Variants in CDYL observed in about 807,000 individuals in gnomAD.
The protein encoded by CDYL is chromodomain Y like, also known as chromodomain Y-like protein.
Under a neutral mutation model 47.3 loss-of-function variants are expected in CDYL, and 8 were observed. The observed-to-expected ratio is 0.17, with a 90% CI of 0.10 to 0.31. The LOEUF is 0.31. Ranked by LOEUF, CDYL falls within the 10% of genes least tolerant of loss-of-function variation. The pLI is 1.00. For missense variants in CDYL, 471 were observed against 701.4 expected (o/e 0.67, Z 3.71); for synonymous variants, 266 against 265.0 (o/e 1.00, Z -0.04).
At chr6:4,867,659 G>C (rs1441880131) in intron 1 of CDYL, among the ~76,000 whole-genome samples, 1 of 151,910 alleles carries the variant, frequency 6.6e-6, no homozygotes. Context: ...CTGAATTCTT[G>C]GGATAAACTC....
At position 4,892,237 on chromosome 6, in the gene CDYL, G is replaced by A. The variant is rs372222855; in HGVS notation, c.549G>A (p.Ala183=). The change falls in exon 2 of 7, where the codon GCG becomes GCA. Residue 183 remains alanine (A), a synonymous_variant. Transcript: ENST00000397588. ...QEDTVAPEVA[A]EKPVGALLGP... ...ACACAGTGGCACCCGAAGTGGCAGC[G>A]GAAAAGCCGGTCGGAGCTTTATTGG... The A allele has an allele frequency of 1.3e-5, 21 of 1,614,122 alleles. No individual in the cohort carries two copies. The highest frequency in any genetic ancestry group is 8.9e-5 in the East Asian group (4 of 44,904).
At chr6:4,884,218 A>G (rs112923226) in intron 1 of CDYL, among the ~76,000 whole-genome samples, 2 of 152,224 alleles carry the variant, frequency 1.3e-5, no homozygotes, top group African/African-American at 2.4e-5. Flanking sequence ...ACCAAAAGGA[A>G]ATGTCCAGAA....
intron 3 of CDYL, among the ~76,000 whole-genome samples, chr6:4,742,835 T>C (rs543855646): frequency 6.6e-6 from 1 of 152,234 alleles, no homozygotes; most frequent in Non-Finnish European, 1.5e-5. Flanking sequence ...GATAGGATCA[T>C]CTTGAAGCTG....
intron 3 of CDYL, among the ~76,000 whole-genome samples, chr6:4,737,829 T>C (rs1757730142): frequency 6.6e-6 from 1 of 152,050 alleles, no homozygotes; most frequent in African/African-American, 2.4e-5. Context: ...CAGCTGGAAA[T>C]GGTTTCTTAA....
intron 6 of CDYL, among the ~76,000 whole-genome samples, chr6:4,953,669 C>T (rs1758779103): frequency 6.6e-6 from 1 of 152,198 alleles, no homozygotes; most frequent in Admixed American, 6.5e-5. Context: ...GCCGACAGCC[C>T]AGCTCTCCTT....
At chr6:4,837,515 AGTGCAGTGGCACGATC>A (rs974338740) in intron 1 of CDYL, among the ~76,000 whole-genome samples, 6 of 143,294 alleles carry the variant, frequency 4.2e-5, no homozygotes, top group African/African-American at 1.6e-4. Context: ...CCCAGGCTGG[AGTGCAGTGGCACGATC>A]TTGGCTCAGT....
chr6:4,820,839 C>G (rs146033077), intron 1 of CDYL, among the ~76,000 whole-genome samples: 1 of 152,178 alleles, frequency 6.6e-6, no homozygotes, highest in Non-Finnish European at 1.5e-5. Flanking sequence ...TAAGGCAGAG[C>G]GGCAGCCTGC....
intron 2 of CDYL, among the ~76,000 whole-genome samples, chr6:4,921,226 T>C (rs947149): frequency 0.97 from 147,986 of 152,242 alleles, 72,063 homozygotes; most frequent in East Asian, 1. Flanking sequence ...TGCGTCACTT[T>C]CCACATTTTC....
chr6:4,807,523 C>T (rs1759403999), intron 1 of CDYL, among the ~76,000 whole-genome samples: 1 of 150,342 alleles, frequency 6.7e-6, no homozygotes, highest in East Asian at 2.0e-4. Flanking sequence ...TTGTTTCTTC[C>T]ACATTTGCTA....
intron 1 of CDYL, among the ~76,000 whole-genome samples, chr6:4,792,938 C>T (rs938168713): frequency 2.6e-5 from 4 of 152,164 alleles, no homozygotes; most frequent in Non-Finnish European, 5.9e-5. Context: ...TAGACCATCT[C>T]TCCCCATTAT....
intron 1 of CDYL, among the ~76,000 whole-genome samples, chr6:4,790,049 T>C (rs1304911158): frequency 6.6e-6 from 1 of 152,212 alleles, no homozygotes; most frequent in Non-Finnish European, 1.5e-5. Context: ...AGGGTTTTGC[T>C]AGGCTGGTGT....
chr6:4,776,780 C>T lies in CDYL; in HGVS notation c.-4C>T. 2.5e-6 allele frequency: 3 copies of T among 1,213,746 alleles called. No individual in the cohort carries two copies. Among genetic ancestry groups the T allele is most frequent in the African/African-American group, 1.6e-5 (1 of 60,670 alleles). 75.2% of individuals were successfully genotyped at this position (1,213,746 alleles called of 1,614,324 possible). On this transcript the variant is annotated 5_prime_UTR_variant, in exon 1 of 7. Transcript: ENST00000397588. ...CCCTCCCGCCCGCAACTCCGCCGCC[C>T]ACCATGGCTTCCGAGGAGCTGTACG...
At chr6:4,924,414 G>C (rs1757806440) in intron 2 of CDYL, among the ~76,000 whole-genome samples, 1 of 152,062 alleles carries the variant, frequency 6.6e-6, no homozygotes, top group Non-Finnish European at 1.5e-5. Flanking sequence ...TATATTTCTA[G>C]CATTCTCAAG....
rs144279328 is a variant in CDYL, at chr6:4,732,597, G to A, written c.104-2165G>A. 5.5e-3 allele frequency among the ~76,000 whole-genome samples: 828 copies of A among 150,396 alleles called. 9 individuals carry two copies. The highest frequency in any genetic ancestry group is 0.019 in the African/African-American group (779 of 40,866). On this transcript the variant is annotated intron_variant, in intron 2 of 8. Transcript: ENST00000328908. The stretch of plus-strand genomic sequence containing the variant: ...GGCTTGCTGGAGCCTGGGAGGTTGA[G>A]GCAGCAAATGAGCTCTGGTTGCACC...
intron 3 of CDYL, among the ~76,000 whole-genome samples, chr6:4,735,905 TGGGG>T (rs56986849): frequency 6.6e-6 from 1 of 151,674 alleles, no homozygotes; most frequent in Non-Finnish European, 1.5e-5. Flanking sequence ...GTGCACGTGA[TGGGG>T]GGGGGTGGGA....
chr6:4,897,035 A>T (rs948565021), intron 2 of CDYL, among the ~76,000 whole-genome samples: 2 of 152,214 alleles, frequency 1.3e-5, no homozygotes, highest in Non-Finnish European at 2.9e-5. Flanking sequence ...AAATTCTAAA[A>T]TTTAGGTGAT....
chr6:4,832,185 C>T (rs1288629026), intron 1 of CDYL, among the ~76,000 whole-genome samples: 4 of 152,150 alleles, frequency 2.6e-5, no homozygotes, highest in African/African-American at 9.7e-5. Context: ...CAGTTTTTGT[C>T]CATTCAGTAT....
intron 5 of CDYL, among the ~76,000 whole-genome samples, chr6:4,948,313 T>C (rs1346633767): frequency 6.6e-6 from 1 of 152,118 alleles, no homozygotes; most frequent in Non-Finnish European, 1.5e-5. Context: ...ATTTTGGAAG[T>C]GGAGCCCTGG....
At chr6:4,709,029 A>C (rs1757098239) in intron 1 of CDYL, among the ~76,000 whole-genome samples, 1 of 152,096 alleles carries the variant, frequency 6.6e-6, no homozygotes, top group South Asian at 2.1e-4. Context: ...ATAAAATAAA[A>C]TAAAATATTG....
Sources: gnomAD v4.1 joint callset for allele counts (sites outside exome capture counted in the v4.1 genomes callset) on GRCh38, gnomAD v4.1.1 for gene constraint, MANE v1.5 for transcripts, NCBI Gene and HGNC (gene_info 2026-07-23, HGNC 2026-07-21) for gene names.